Variants in HBS1L observed in about 807,000 individuals in gnomAD.
The protein encoded by HBS1L is HBS1-like protein.
Under a neutral mutation model 88.9 loss-of-function variants are expected in HBS1L, and 55 were observed. The observed-to-expected ratio is 0.62, with a 90% CI of 0.50 to 0.77. The LOEUF (loss-of-function observed/expected upper bound fraction) is 0.77, where lower values mean the gene tolerates loss of function less well. Among genes scored for constraint, HBS1L ranks in the 30% least tolerant of loss-of-function variants. The pLI is 0.00. For synonymous variants in HBS1L, 267 were observed against 288.5 expected, an observed-to-expected ratio of 0.93 and a Z score of 0.76; for missense variants, 741 against 829.3, an observed-to-expected ratio of 0.89 and a Z score of 1.31.
chr6:135,002,620 C>T, intron 5 of HBS1L, 114 bp downstream of exon 5: 1 of 630,082 alleles, frequency 1.6e-6, no homozygotes, highest in Non-Finnish European at 2.9e-6. Flanking sequence ...TATGATACTT[C>T]AGTGCTAATG....
intron 4 of HBS1L, among the ~76,000 whole-genome samples, chr6:135,031,791 T>C: frequency 6.6e-6 from 1 of 152,004 alleles, no homozygotes; most frequent in Non-Finnish European, 1.5e-5. Context: ...AAATTAGGCA[T>C]GTCAATGTCG....
chr6:135,030,178 C>G (rs1183442411), intron 4 of HBS1L, among the ~76,000 whole-genome samples: 1 of 152,190 alleles, frequency 6.6e-6, no homozygotes, highest in East Asian at 1.9e-4. Context: ...ATAACAAAAA[C>G]AAGTGTATAT....
At chr6:134,970,360 T>C (rs1774448272) in intron 15 of HBS1L, among the ~76,000 whole-genome samples, 1 of 152,172 alleles carries the variant, frequency 6.6e-6, no homozygotes, top group Non-Finnish European at 1.5e-5. Flanking sequence ...CTCGAACTCC[T>C]GACCTCAGGT....
chr6:135,022,518 A>G (rs1470025426), intron 4 of HBS1L, among the ~76,000 whole-genome samples: 3 of 152,150 alleles, frequency 2.0e-5, no homozygotes, highest in Non-Finnish European at 4.4e-5. Flanking sequence ...AACATAGCTG[A>G]GAACATTCTG....
chr6:135,027,397 A>T (rs1217332216), intron 4 of HBS1L, among the ~76,000 whole-genome samples: 5 of 152,070 alleles, frequency 3.3e-5, no homozygotes, highest in Non-Finnish European at 7.4e-5. Context: ...AACAAAAATA[A>T]CAAAACTCCC....
intron 4 of HBS1L, among the ~76,000 whole-genome samples, chr6:135,023,085 T>C (rs573007750): frequency 6.6e-6 from 1 of 151,914 alleles, no homozygotes; most frequent in Non-Finnish European, 1.5e-5. Flanking sequence ...ATGGCTGTTC[T>C]TTATCTTTTT....
intron 16 of HBS1L, 118 bp from the exon 17 acceptor site, chr6:134,966,591 A>ACT: frequency 1.6e-6 from 1 of 627,266 alleles, no homozygotes; most frequent in Admixed American, 3.1e-5. Context: ...TCTTTCAAAA[A>ACT]CAAGAAAAAT....
intron 17 of HBS1L, 88 bp downstream of exon 17, chr6:134,966,241 C>G: frequency 8.3e-7 from 1 of 1,203,580 alleles, no homozygotes; most frequent in South Asian, 1.7e-5. Flanking sequence ...CTTTCATTCC[C>G]TCAATGCTTT....
In HBS1L at chr6:135,002,639, T is replaced by C. The variant is rs1463245486; in HGVS notation, c.539+95A>G. ...ATACTTCAGTGCTAATGATATATTA[T>C]GCGAAATTGAAACAGTCTCTTTCTT... On this transcript the variant is annotated intron_variant, in intron 5 of 17. Coordinates refer to ENST00000367837, the MANE Select transcript of HBS1L (RefSeq NM_006620.4). The C allele has an allele frequency of 4.5e-5, 31 of 692,650 alleles. No homozygotes were observed. The East Asian group carries it at 8.4e-4, about 19-fold the overall frequency. The allele number at this position is 692,650 out of a possible 1,614,324, so 42.9% of individuals were successfully genotyped here.
chr6:134,972,171 C>T (rs778759515), intron 15 of HBS1L, among the ~76,000 whole-genome samples: 1 of 152,114 alleles, frequency 6.6e-6, no homozygotes, highest in Non-Finnish European at 1.5e-5. Flanking sequence ...TTCTATTCTT[C>T]GTGTAGGGTT....
At chr6:135,036,348 T>C in intron 4 of HBS1L, 1 of 1,227,164 alleles carries the variant, frequency 8.1e-7, no homozygotes, top group Non-Finnish European at 1.0e-6. Context: ...ATACTCAGTA[T>C]AGGTTACCAA....
intron 15 of HBS1L, among the ~76,000 whole-genome samples, chr6:134,974,165 A>G (rs898877533): frequency 6.6e-6 from 1 of 152,274 alleles, no homozygotes; most frequent in East Asian, 1.9e-4. Flanking sequence ...GGAAACGGAT[A>G]AATCCTGGAA....
intron 4 of HBS1L, among the ~76,000 whole-genome samples, chr6:135,031,878 G>C (rs1418043595): frequency 6.7e-6 from 1 of 150,356 alleles, no homozygotes; most frequent in African/African-American, 2.4e-5. Flanking sequence ...CACTGCCCAG[G>C]CTGAACCTGA....
At chr6:135,023,153 A>G (rs1776121709) in intron 4 of HBS1L, among the ~76,000 whole-genome samples, 4 of 152,220 alleles carry the variant, frequency 2.6e-5, no homozygotes, top group South Asian at 4.2e-4. Context: ...TGCCATTAAG[A>G]ACCAAAAGTG....
chr6:135,002,608 TATATG>T (rs1775493066), intron 5 of HBS1L, 121 bp downstream of exon 5: 1 of 614,964 alleles, frequency 1.6e-6, no homozygotes, highest in Admixed American at 2.6e-5. Flanking sequence ...ATACTGAGGA[TATATG>T]ATACTTCAGT....
intron 4 of HBS1L, among the ~76,000 whole-genome samples, chr6:135,019,457 T>C: frequency 6.6e-6 from 1 of 151,932 alleles, no homozygotes; most frequent in East Asian, 1.9e-4. Flanking sequence ...AAATGAAAAT[T>C]AAACTGTATT....
intron 9 of HBS1L, 123 bp from the exon 10 acceptor site, chr6:134,986,933 A>G: frequency 2.7e-6 from 1 of 371,430 alleles, no homozygotes; most frequent in South Asian, 1.0e-4. Context: ...ATTAAAATCA[A>G]AACATGGAAT....
intron 2 of HBS1L, among the ~76,000 whole-genome samples, chr6:135,049,723 C>A (rs1215252066): frequency 6.6e-6 from 1 of 152,194 alleles, no homozygotes; most frequent in Non-Finnish European, 1.5e-5. Context: ...AGGCACTCGC[C>A]ACCATGCCTG....
intron 7 of HBS1L, 31 bp downstream of exon 7, chr6:134,996,746 C>A: frequency 6.5e-7 from 1 of 1,531,378 alleles, no homozygotes; most frequent in Non-Finnish European, 8.8e-7. Context: ...TGTATGATTT[C>A]AAACTGAAAA....
Sources: allele counts gnomAD v4.1 joint callset (sites outside exome capture counted in the v4.1 genomes callset), GRCh38; gene constraint gnomAD v4.1.1; transcripts MANE v1.5; gene names NCBI Gene and HGNC (gene_info 2026-07-23, HGNC 2026-07-21).